The following SYTL4 variants were observed in gnomAD, a reference collection of about 807,000 sequenced individuals.
The protein encoded by SYTL4 is synaptotagmin-like protein 4.
SYTL4 carries 16 observed loss-of-function variants against 52.7 expected under a neutral mutation model. The ratio of observed to expected loss-of-function variants is 0.30; its 90% CI spans 0.21 to 0.46. SYTL4 has a LOEUF of 0.46. SYTL4 is among the 20% of genes least tolerant of loss of function. The pLI, the probability that SYTL4 is intolerant of heterozygous loss-of-function variation, is 1.00. For synonymous variants in SYTL4, 160 were observed against 186.6 expected (o/e 0.86, Z 1.16); for missense variants, 423 against 519.9 (o/e 0.81, Z 1.81).
In SYTL4 at chrX:100,679,353, C is replaced by T; in HGVS notation, c.1618G>A (p.Ala540Thr). The change falls in exon 18 of 20, where the codon GCT becomes ACT. Residue 540 changes from alanine to threonine, a missense_variant. Transcript: ENST00000372989. ...VWIKEAKNLT[A>T]AKAGGTSDSF... ...TCTGAAGTCCCTCCTGCTTTGGCAG[C>T]CGTCAAGTTCTTGGCTTCTTTGATC... The T allele has an allele frequency of 1.7e-6, 2 of 1,211,365 alleles. No homozygotes were observed. The highest frequency in any genetic ancestry group is 2.2e-6 in the Non-Finnish European group (2 of 895,214).
At chrX:100,686,345 A>G (rs1245868333) in intron 15 of SYTL4, 194 bp from the exon 16 acceptor site, 2 of 408,696 alleles carry the variant, frequency 4.9e-6, no homozygotes, top group Non-Finnish European at 8.1e-6. Context: ...ACCATATTCC[A>G]TAGGAGGACC....
At chrX:100,702,554 C>A (rs1449424412) in intron 4 of SYTL4, among the ~76,000 whole-genome samples, 2 of 112,454 alleles carry the variant, frequency 1.8e-5, no homozygotes, top group Non-Finnish European at 3.8e-5. Flanking sequence ...CTATTCCTAA[C>A]CAGCTTCCAT....
At chrX:100,731,722 A>G (rs1305523013) in intron 1 of SYTL4, among the ~76,000 whole-genome samples, 1 of 112,023 alleles carries the variant, frequency 8.9e-6, no homozygotes, top group Non-Finnish European at 1.9e-5. Context: ...TGGGTGGGTC[A>G]GGGAAGGGGC....
At chrX:100,698,091 A>G (rs1408138391) in intron 8 of SYTL4, among the ~76,000 whole-genome samples, 1 of 111,819 alleles carries the variant, frequency 8.9e-6, no homozygotes, top group African/African-American at 3.3e-5. Flanking sequence ...TTGTTAAATT[A>G]CTAAACTTTT....
chrX:100,688,552 C>T (rs886627068), intron 12 of SYTL4, 109 bp from the exon 13 acceptor site: 9 of 524,768 alleles, frequency 1.7e-5, no homozygotes, highest in African/African-American at 5.2e-5. Flanking sequence ...TATGTGTACG[C>T]ACACATACTT....
chrX:100,676,641 C>G (rs938137570), intron 19 of SYTL4, among the ~76,000 whole-genome samples: 1 of 111,089 alleles, frequency 9.0e-6, no homozygotes, highest in Admixed American at 9.6e-5. Flanking sequence ...TGCGCCACCA[C>G]GCCCAGCTAA....
Position 100,679,293 on chromosome X carries a change from G to A in SYTL4, c.1658+20C>T, listed in dbSNP as rs1165738157. The A allele has an allele frequency of 1.7e-6, 2 of 1,144,261 alleles. No individual in the cohort carries two copies. The highest frequency in any genetic ancestry group is 4.4e-5 in the Admixed American group (2 of 44,984). 94.3% of individuals were successfully genotyped at this position (1,144,261 alleles called of 1,213,427 possible). On this transcript the variant is annotated intron_variant, in intron 18 of 19. Transcript: ENST00000372989. ...TCTTGTTCTGAAACTGGTTAATTTG[G>A]GGCTGGTCTAGGGACTCACCCCTTG... is the stretch of plus-strand genomic sequence containing the variant.
chrX:100,691,021 T>C, intron 9 of SYTL4, 87 bp downstream of exon 9: 1 of 690,770 alleles, frequency 1.4e-6, no homozygotes, highest in Admixed American at 2.8e-5. Context: ...TTCAACTTCC[T>C]GAGGACAGAA....
At chrX:100,699,575 G>C (rs1459663679) in intron 8 of SYTL4, among the ~76,000 whole-genome samples, 12 of 81,439 alleles carry the variant, frequency 1.5e-4, no homozygotes, top group African/African-American at 6.2e-4. Flanking sequence ...TACAACCTCT[G>C]CCTCCCAGGT....
chrX:100,716,215 C>T (rs1235416863), intron 2 of SYTL4, among the ~76,000 whole-genome samples: 2 of 106,825 alleles, frequency 1.9e-5, no homozygotes, highest in Non-Finnish European at 3.9e-5. Context: ...TTTGGGAGGC[C>T]GAGGCGGGCG....
chrX:100,686,780 A>G lies in SYTL4; in HGVS notation c.1186T>C (p.Tyr396His). Residue 396 changes from tyrosine to histidine, a missense_variant and splice_region_variant, in exon 15 of 20, where the codon TAT (tyrosine) becomes CAT (histidine). By Grantham distance (83) the Tyr-to-His change is moderately conservative (BLOSUM62 2). Transcript: ENST00000372989. ...TCAGGCAGAAGGTAAGTCTTCACAT[A>G]TCTAGAAACCAAAGACAGCACTGAG... ...ADEAKKRSNP[Y>H]VKTYLLPDKS... The G allele has an allele frequency of 1.7e-6, 2 of 1,202,544 alleles. No individual in the cohort carries two copies. Among genetic ancestry groups the G allele is most frequent in the Non-Finnish European group, 2.3e-6 (2 of 887,663 alleles).
Position 100,675,930 on chromosome X carries a change from AC to A in SYTL4, c.*97del. ...CACACACACACACACATACACACAT[AC>A]ACACATACACATTAAATTATAAATC... On this transcript the variant is annotated 3_prime_UTR_variant, in exon 20 of 20. Coordinates refer to ENST00000372989, the MANE Select transcript of SYTL4 (RefSeq NM_001370165.1). The A allele has an allele frequency of 2.3e-6, 2 of 883,671 alleles. No homozygotes were observed. Among genetic ancestry groups the A allele is most frequent in the African/African-American group, 2.0e-5 (1 of 50,338 alleles). The allele number at this position is 883,671 out of a possible 1,213,427, so 72.8% of individuals were successfully genotyped here.
intron 17 of SYTL4, 109 bp from the exon 18 acceptor site, chrX:100,679,521 A>G: frequency 5.1e-6 from 3 of 586,783 alleles, no homozygotes; most frequent in Non-Finnish European, 8.4e-6. Context: ...AGCGAGCTCC[A>G]TAACAGAACC....
intron 2 of SYTL4, among the ~76,000 whole-genome samples, chrX:100,731,203 CT>C (rs2084636874): frequency 9.0e-6 from 1 of 111,634 alleles, no homozygotes; most frequent in Non-Finnish European, 1.9e-5. Context: ...GGAGGAACAC[CT>C]TTTTCTGCCC....
intron 16 of SYTL4, among the ~76,000 whole-genome samples, chrX:100,683,376 G>A (rs968652283): frequency 1.8e-5 from 2 of 109,439 alleles, no homozygotes; most frequent in Non-Finnish European, 1.9e-5. Context: ...GAGCTGAAGC[G>A]ATCCACCCAC....
At chrX:100,699,636 G>T (rs1376988310) in intron 8 of SYTL4, among the ~76,000 whole-genome samples, 2 of 97,141 alleles carry the variant, frequency 2.1e-5, no homozygotes, top group African/African-American at 7.5e-5. Flanking sequence ...CTACAGGTGC[G>T]TGCCACCACA....
intron 1 of SYTL4, among the ~76,000 whole-genome samples, 158 bp downstream of exon 1, chrX:100,731,846 A>C (rs1173189342): frequency 9.0e-6 from 1 of 111,092 alleles, no homozygotes; most frequent in Non-Finnish European, 1.9e-5. Context: ...AGACGCGGTC[A>C]GCTAGGGAGA....
intron 7 of SYTL4, 72 bp downstream of exon 7, chrX:100,701,148 G>T: frequency 1.1e-6 from 1 of 934,134 alleles, no homozygotes; most frequent in Non-Finnish European, 1.5e-6. Flanking sequence ...CTGAGCCCAT[G>T]GAGTTAAGAT....
intron 8 of SYTL4, among the ~76,000 whole-genome samples, chrX:100,694,179 T>C (rs1008497383): frequency 2.7e-5 from 3 of 112,312 alleles, no homozygotes; most frequent in African/African-American, 9.7e-5. Flanking sequence ...TTTTATGTTA[T>C]GTCAACTTTA....
Sources: gnomAD v4.1 joint callset for allele counts (sites outside exome capture counted in the v4.1 genomes callset) on GRCh38, gnomAD v4.1.1 for gene constraint, MANE v1.5 for transcripts, NCBI Gene and HGNC (gene_info 2026-07-23, HGNC 2026-07-21) for gene names.